Variants in ANKS1B observed in about 807,000 individuals in gnomAD.
ANKS1B encodes ankyrin repeat and sterile alpha motif domain containing 1B.
Under a neutral mutation model 148.3 loss-of-function variants are expected in ANKS1B, and 36 were observed. The ratio of observed to expected loss-of-function variants is 0.24; its 90% CI spans 0.19 to 0.32. ANKS1B has a LOEUF of 0.32. Among genes scored for constraint, ANKS1B ranks in the 10% least tolerant of loss-of-function variants. The pLI is 1.00. For synonymous variants in ANKS1B, 542 were observed against 560.8 expected, an observed-to-expected ratio of 0.97 and a Z score of 0.47; for missense variants, 1,157 against 1,542.6, an observed-to-expected ratio of 0.75 and a Z score of 4.19.
intron 15 of ANKS1B, among the ~76,000 whole-genome samples, chr12:99,136,287 G>T (rs1418779796): frequency 6.6e-6 from 1 of 152,080 alleles, no homozygotes; most frequent in East Asian, 1.9e-4. Flanking sequence ...AATACTTTCA[G>T]GTCCCAATGC....
chr12:99,503,586 T>C (rs1258909132), intron 10 of ANKS1B, among the ~76,000 whole-genome samples: 1 of 152,158 alleles, frequency 6.6e-6, no homozygotes, highest in African/African-American at 2.4e-5. Flanking sequence ...TGCTTTCTTC[T>C]TATGTTACTA....
chr12:99,514,917 T>C (rs538073356), intron 9 of ANKS1B, among the ~76,000 whole-genome samples: 18 of 152,142 alleles, frequency 1.2e-4, no homozygotes, highest in African/African-American at 4.3e-4. Context: ...TTCTGACTCC[T>C]TCAAGACTCA....
In ANKS1B at chr12:99,431,764, A is replaced by T. The variant is rs73373923; in HGVS notation, c.1575+11909T>A. On this transcript the variant is annotated intron_variant, in intron 11 of 26. Transcript: ENST00000683438. ...ATCAGCACAGCACTTAAGTAAAAAGATTCTAAATCCCTTGCTTATCCTATT... is the reference window on the plus strand; with the variant it reads ...ATCAGCACAGCACTTAAGTAAAAAGTTTCTAAATCCCTTGCTTATCCTATT... Among the ~76,000 whole-genome samples, 705 of 152,310 alleles carry T rather than the reference A, an allele frequency of 4.6e-3. 4 individuals are homozygous for T. Among genetic ancestry groups the T allele is most frequent in the African/African-American group, 0.015 (630 of 41,574 alleles).
intron 15 of ANKS1B, among the ~76,000 whole-genome samples, chr12:99,093,182 CAG>C (rs2054668451): frequency 6.6e-6 from 1 of 152,170 alleles, no homozygotes; most frequent in Admixed American, 6.5e-5. Flanking sequence ...GAGTGACTGC[CAG>C]AGTTTCTCCA....
intron 8 of ANKS1B, among the ~76,000 whole-genome samples, chr12:99,743,624 T>C (rs1265534411): frequency 6.6e-6 from 1 of 152,218 alleles, no homozygotes; most frequent in African/African-American, 2.4e-5. Context: ...TCAAGTTATA[T>C]GTAACTTTAT....
At chr12:99,261,958 T>C (rs2075972060) in intron 12 of ANKS1B, among the ~76,000 whole-genome samples, 1 of 152,104 alleles carries the variant, frequency 6.6e-6, no homozygotes, top group South Asian at 2.1e-4. Context: ...CTACACTCCT[T>C]TTCCCTTAAC....
intron 14 of ANKS1B, among the ~76,000 whole-genome samples, chr12:99,243,597 A>G (rs1190495734): frequency 6.6e-6 from 1 of 152,210 alleles, no homozygotes; most frequent in East Asian, 1.9e-4. Flanking sequence ...TTGTGGCACT[A>G]TTCACAATAG....
At chr12:98,807,718 C>A in intron 20 of ANKS1B, 126 bp downstream of exon 20, 1 of 615,370 alleles carries the variant, frequency 1.6e-6, no homozygotes, top group Non-Finnish European at 2.8e-6. Flanking sequence ...CAAAGAGTCT[C>A]GGAGTCACCA....
intron 17 of ANKS1B, among the ~76,000 whole-genome samples, chr12:98,898,074 G>GGACT (rs2099767291): frequency 6.6e-6 from 1 of 152,022 alleles, no homozygotes; most frequent in African/African-American, 2.4e-5. Flanking sequence ...GGATGGGAGG[G>GGACT]GACTGAAACT....
At chr12:99,399,392 T>G (rs905611738) in intron 12 of ANKS1B, among the ~76,000 whole-genome samples, 3 of 152,086 alleles carry the variant, frequency 2.0e-5, no homozygotes, top group Admixed American at 6.6e-5. Context: ...CCCTGGTATT[T>G]TTACTACTAT....
chr12:99,775,079 G>A (rs1358769258), intron 7 of ANKS1B, among the ~76,000 whole-genome samples: 1 of 152,026 alleles, frequency 6.6e-6, no homozygotes, highest in Non-Finnish European at 1.5e-5. Flanking sequence ...TTAAAATACA[G>A]CATGGTGACT....
At chr12:99,382,137 TG>T (rs1373017307) in intron 12 of ANKS1B, among the ~76,000 whole-genome samples, 1 of 152,162 alleles carries the variant, frequency 6.6e-6, no homozygotes, top group African/African-American at 2.4e-5. Flanking sequence ...CTTATCTTAT[TG>T]TTCACACACA....
At chr12:99,300,836 G>GA (rs954826742) in intron 12 of ANKS1B, among the ~76,000 whole-genome samples, 12 of 152,254 alleles carry the variant, frequency 7.9e-5, no homozygotes, top group Non-Finnish European at 1.6e-4. Flanking sequence ...GTAAAGGCTA[G>GA]AAAAAAATTT....
At chr12:99,041,272 A>C (rs2099958767) in intron 17 of ANKS1B, among the ~76,000 whole-genome samples, 1 of 152,232 alleles carries the variant, frequency 6.6e-6, no homozygotes, top group Non-Finnish European at 1.5e-5. Flanking sequence ...CAATGAAAAA[A>C]TATTGGTTGC....
At chr12:99,659,051 G>A (rs1238581723) in intron 8 of ANKS1B, among the ~76,000 whole-genome samples, 2 of 152,100 alleles carry the variant, frequency 1.3e-5, no homozygotes, top group African/African-American at 4.8e-5. Context: ...TAAGGGGTGT[G>A]TATAATTGTA....
chr12:99,189,614 G>A (rs2080363682), intron 14 of ANKS1B, among the ~76,000 whole-genome samples: 1 of 152,138 alleles, frequency 6.6e-6, no homozygotes, highest in Non-Finnish European at 1.5e-5. Context: ...CTTAATAGAT[G>A]CAGAAAAGGC....
intron 4 of ANKS1B, among the ~76,000 whole-genome samples, chr12:99,792,236 G>C (rs2065744484): frequency 2.0e-5 from 3 of 151,712 alleles, no homozygotes. Context: ...CAAGTAACAA[G>C]ATCGAAGCCA....
intron 17 of ANKS1B, among the ~76,000 whole-genome samples, chr12:98,960,434 C>T (rs1263513362): frequency 2.6e-5 from 4 of 152,178 alleles, no homozygotes; most frequent in South Asian, 2.1e-4. Flanking sequence ...TTACTAGACT[C>T]GAGGTGCCCC....
chr12:99,126,205 G>A (rs903246964), intron 15 of ANKS1B, among the ~76,000 whole-genome samples: 1 of 152,128 alleles, frequency 6.6e-6, no homozygotes, highest in African/African-American at 2.4e-5. Context: ...GAACATGGCT[G>A]GTCTAGGTAT....
Sources: gnomAD v4.1 joint callset for allele counts (sites outside exome capture counted in the v4.1 genomes callset) on GRCh38, gnomAD v4.1.1 for gene constraint, MANE v1.5 for transcripts, NCBI Gene and HGNC (gene_info 2026-07-23, HGNC 2026-07-21) for gene names.